Variants in RIGI observed in about 807,000 individuals in gnomAD.
RIGI encodes the protein antiviral innate immune response receptor RIG-I.
At chr9:32,476,797 C>CT in the RIGI span, among the ~76,000 whole-genome samples, 1 of 152,054 alleles carries the variant, frequency 6.6e-6, no homozygotes, top group South Asian at 2.1e-4. Context: ...GCTAATTTTT[C>CT]TTTTTTAAGA....
the RIGI span, chr9:32,457,344 C>G: frequency 3.7e-6 from 6 of 1,614,076 alleles, no homozygotes; most frequent in Non-Finnish European, 5.1e-6. Flanking sequence ...AACTTGAAAA[C>G]TGCTTTGGCT....
chr9:32,510,415 G>T, the RIGI span, among the ~76,000 whole-genome samples: 82,047 of 152,040 alleles, frequency 0.54, 22,879 homozygotes, highest in Middle Eastern at 0.67. Flanking sequence ...CAAGCCAGAA[G>T]AGAGTGGGGG....
chr9:32,520,671 T>C, the RIGI span, among the ~76,000 whole-genome samples: 1 of 151,988 alleles, frequency 6.6e-6, no homozygotes, highest in African/African-American at 2.4e-5. Context: ...TAGTTCAGGG[T>C]TTTTCTATAA....
chr9:32,502,195 C>T, the RIGI span, among the ~76,000 whole-genome samples: 1 of 152,168 alleles, frequency 6.6e-6, no homozygotes, highest in African/African-American at 2.4e-5. Context: ...ATTATTCATT[C>T]CTTTTTATTG....
At chr9:32,480,273 C>G in the RIGI span, 2 of 1,611,796 alleles carry the variant, frequency 1.2e-6, no homozygotes, top group Admixed American at 3.3e-5. Flanking sequence ...GCTGCTCGGA[C>G]ATTGCTGAAG....
the RIGI span, among the ~76,000 whole-genome samples, chr9:32,508,441 A>C: frequency 6.6e-6 from 1 of 151,780 alleles, no homozygotes; most frequent in African/African-American, 2.4e-5. Flanking sequence ...GGTGCAGCCC[A>C]CAGACAGCGA....
the RIGI span, among the ~76,000 whole-genome samples, chr9:32,480,548 GA>G: frequency 3.3e-5 from 5 of 152,086 alleles, no homozygotes; most frequent in Non-Finnish European, 7.4e-5. Context: ...ACTGTTAAAA[GA>G]AAACTCAATT....
At chr9:32,518,409 A>G in the RIGI span, among the ~76,000 whole-genome samples, 1 of 151,356 alleles carries the variant, frequency 6.6e-6, no homozygotes, top group Non-Finnish European at 1.5e-5. Context: ...AAGAAGAAAA[A>G]GAACGAAAAT....
the RIGI span, among the ~76,000 whole-genome samples, chr9:32,515,863 CG>C: frequency 6.6e-6 from 1 of 152,208 alleles, no homozygotes; most frequent in South Asian, 2.1e-4. Flanking sequence ...CCTTGGTTTC[CG>C]TGATGCCTCC....
chr9:32,475,815 A>G, the RIGI span, among the ~76,000 whole-genome samples: 1 of 152,142 alleles, frequency 6.6e-6, no homozygotes, highest in Non-Finnish European at 1.5e-5. Context: ...AAAAACTGAT[A>G]TACTGAACTT....
chr9:32,505,977 GA>G, the RIGI span, among the ~76,000 whole-genome samples: 4 of 152,178 alleles, frequency 2.6e-5, no homozygotes, highest in Non-Finnish European at 5.9e-5. Context: ...AGCACTTTGG[GA>G]GGCCAAGGCA....
the RIGI span, among the ~76,000 whole-genome samples, chr9:32,509,449 C>G: frequency 2.6e-5 from 4 of 152,168 alleles, no homozygotes; most frequent in South Asian, 2.1e-4. Context: ...TGGTGATACC[C>G]AGGCAAACAG....
At chr9:32,491,443 T>G in the RIGI span, 1 of 1,570,848 alleles carries the variant, frequency 6.4e-7, no homozygotes, top group South Asian at 1.2e-5. Flanking sequence ...AAAAAAGTCT[T>G]AGAATCTTCA....
the RIGI span, among the ~76,000 whole-genome samples, chr9:32,519,785 CTTGGAT>C: frequency 3.9e-5 from 6 of 152,072 alleles, no homozygotes; most frequent in Non-Finnish European, 8.8e-5. Flanking sequence ...ATAACATTTA[CTTGGAT>C]TAAGTCATAA....
the RIGI span, chr9:32,526,017 C>A: frequency 7.0e-7 from 1 of 1,418,542 alleles, no homozygotes; most frequent in Admixed American, 1.7e-5. Flanking sequence ...AAAAACAAGT[C>A]CTCAATTGTT....
the RIGI span, among the ~76,000 whole-genome samples, chr9:32,495,751 C>A: frequency 6.6e-6 from 1 of 151,320 alleles, no homozygotes; most frequent in East Asian, 2.0e-4. Flanking sequence ...CATCCACCTC[C>A]TGGGTTCAAG....
the RIGI span, among the ~76,000 whole-genome samples, chr9:32,524,418 C>T: frequency 6.6e-6 from 1 of 152,116 alleles, no homozygotes; most frequent in East Asian, 1.9e-4. Context: ...CCAAGCTACA[C>T]TGGTCACTAG....
chr9:32,482,594 C>G, the RIGI span, among the ~76,000 whole-genome samples: 1 of 152,184 alleles, frequency 6.6e-6, no homozygotes, highest in Non-Finnish European at 1.5e-5. Flanking sequence ...GCCGCAGTGG[C>G]TCATGCCTGT....
At chr9:32,504,987 TA>T in the RIGI span, among the ~76,000 whole-genome samples, 1 of 131,276 alleles carries the variant, frequency 7.6e-6, no homozygotes, top group Non-Finnish European at 1.6e-5. Flanking sequence ...ATATCATATA[TA>T]TTTTATATAT....
Sources: gnomAD v4.1 joint callset for allele counts (sites outside exome capture counted in the v4.1 genomes callset) on GRCh38, gnomAD v4.1.1 for gene constraint, MANE v1.5 for transcripts, NCBI Gene and HGNC (gene_info 2026-07-23, HGNC 2026-07-21) for gene names.